The following ERAP2 variants were observed in gnomAD, a reference collection of about 807,000 sequenced individuals.
The protein encoded by ERAP2 is endoplasmic reticulum aminopeptidase 2.
In ERAP2, 118 loss-of-function variants were observed where a neutral mutation model predicts 111.1. That is an observed-to-expected ratio of 1.06 (90% confidence interval 0.92 to 1.24). The LOEUF (loss-of-function observed/expected upper bound fraction) is 1.24. Among genes scored for constraint, ERAP2 ranks in the 50% most tolerant of loss-of-function variants. The pLI, the probability that ERAP2 is intolerant of heterozygous loss-of-function variation, is 0.00. For missense variants in ERAP2, 1,131 were observed against 1,125.8 expected (o/e 1.00, Z -0.07); for synonymous variants, 410 against 401.2 (o/e 1.02, Z -0.26).
At position 96,879,701 on chromosome 5, in the gene ERAP2, G is replaced by A. The variant is rs372831043; in HGVS notation, c.16G>A (p.Ala6Thr). The A allele has an allele frequency of 1.4e-5, 23 of 1,613,542 alleles. No homozygotes were observed. In the African/African-American group the frequency reaches 2.8e-4, roughly 20 times the overall value. Reference sequence around the variant, plus strand: ...AATAGATTTCATGTTCCATTCTTCTGCAATGGTTAATTCACACAGAAAACC... The same window carrying A: ...AATAGATTTCATGTTCCATTCTTCTACAATGGTTAATTCACACAGAAAACC... MFHSSAMVNSHRKPMF... is the reference protein window; with the variant it reads MFHSSTMVNSHRKPMF... The change falls in exon 2 of 19, where the codon GCA becomes ACA. Residue 6 changes from alanine to threonine, a missense_variant. Physicochemically the swap from Ala to Thr is moderately conservative, Grantham distance 58. Around this residue, in one of 3 missense-constraint regions of ERAP2, gnomAD observed 847 missense variants for 856.5 expected, o/e 0.99. Coordinates refer to ENST00000437043, the MANE Select transcript of ERAP2 (RefSeq NM_022350.5).
intron 17 of ERAP2, among the ~76,000 whole-genome samples, chr5:96,914,746 C>T (rs184118934): frequency 1.2e-3 from 185 of 152,142 alleles, no homozygotes; most frequent in African/African-American, 4.2e-3. Flanking sequence ...ATTCTGTGGC[C>T]GTGAATGAGA....
rs529144339 is a variant in ERAP2, at chr5:96,877,422, G to A, written c.-123+895G>A. On this transcript the variant is annotated intron_variant, in intron 1 of 18. Coordinates refer to ENST00000437043, the MANE Select transcript of ERAP2 (RefSeq NM_022350.5). ...CTAGGAGTGTCTGCTACAAGTGGGG[G>A]CGAGCTACTCCTTCATTTTGGCCAT... is the stretch of plus-strand genomic sequence containing the variant. Among the ~76,000 whole-genome samples the A allele has an allele frequency of 1.4e-4, 15 of 108,116 alleles. No homozygotes were observed. In the East Asian group the frequency reaches 4.1e-3, roughly 30 times the overall value. 70.9% of individuals were successfully genotyped at this position (108,116 alleles called of 152,430 possible).
rs199738612 is a variant in ERAP2, at chr5:96,880,994, G to GT, written c.575+743dup. On this transcript the variant is annotated intron_variant, in intron 2 of 18. Transcript: ENST00000437043. Reference sequence around the variant, plus strand: ...GAAGTGAATTTAAATTGAGAGCTGAGTTTTTTTTTAAAGAGACAGTTATGA... The same window carrying GT: ...GAAGTGAATTTAAATTGAGAGCTGAGTTTTTTTTTTAAAGAGACAGTTATGA... The GT allele has an allele frequency of 1.1e-3, 168 of 158,678 alleles. 2 individuals are homozygous for GT. Among genetic ancestry groups the GT allele is most frequent in the Middle Eastern group, 3.3e-3 (1 of 306 alleles). The allele number at this position is 158,678 out of a possible 1,614,324, so 9.8% of individuals were successfully genotyped here.
In ERAP2 at chr5:96,882,962, G is replaced by C. The variant is rs9686476; in HGVS notation, c.576-830G>C. Among the ~76,000 whole-genome samples the C allele has an allele frequency of 9.0e-3, 1,365 of 152,198 alleles. 22 individuals carry two copies. Among genetic ancestry groups the C allele is most frequent in the African/African-American group, 0.031 (1,281 of 41,496 alleles). On this transcript the variant is annotated intron_variant, in intron 2 of 18. Coordinates refer to ENST00000437043, the MANE Select transcript of ERAP2 (RefSeq NM_022350.5). ...TTAATTGAAGCTTAAAGTCCAAAGA[G>C]TAAATCTGTAACTGTACAGTTTCAG...
intron 13 of ERAP2, among the ~76,000 whole-genome samples, chr5:96,906,708 T>A (rs2549790): frequency 1.1e-4 from 17 of 152,094 alleles, no homozygotes; most frequent in African/African-American, 2.7e-4. Flanking sequence ...GAAAAAGCTA[T>A]ATTTGTTTCT....
At chr5:96,896,995 A>G (rs2548535) in intron 9 of ERAP2, 132 bp downstream of exon 9, 168,647 of 481,846 alleles carry the variant, frequency 0.35, 37,180 homozygotes, top group African/African-American at 0.53. Context: ...GTCATGGTCT[A>G]TAGAAGGCAG....
chr5:96,883,522 G>T (rs1194277333), intron 2 of ERAP2, among the ~76,000 whole-genome samples: 1 of 152,184 alleles, frequency 6.6e-6, no homozygotes, highest in African/African-American at 2.4e-5. Flanking sequence ...CATTCAAGTT[G>T]TCTGAGCCTC....
intron 9 of ERAP2, among the ~76,000 whole-genome samples, chr5:96,897,868 ATTGT>A (rs1329472247): frequency 1.3e-5 from 2 of 152,202 alleles, no homozygotes; most frequent in African/African-American, 4.8e-5. Context: ...CAGTAATAAT[ATTGT>A]TTAATATTTC....
chr5:96,892,873 A>T (rs953627705), intron 6 of ERAP2, among the ~76,000 whole-genome samples: 1 of 152,288 alleles, frequency 6.6e-6, no homozygotes, highest in East Asian at 1.9e-4. Flanking sequence ...CTGTGCTTAC[A>T]TGGCCATAAT....
Position 96,903,472 on chromosome 5 carries a change from C to T in ERAP2, c.1924C>T (p.Gln642Ter). 6.2e-7 allele frequency: 1 copy of T among 1,613,984 alleles called. No individual in the cohort carries two copies. The highest frequency in any genetic ancestry group is 1.1e-5 in the South Asian group (1 of 91,074). The change falls in exon 13 of 19, where the codon CAA becomes TAA. Residue 642 changes from glutamine (Q) to a stop codon, truncating the protein, a stop_gained. Coordinates refer to ENST00000437043, the MANE Select transcript of ERAP2 (RefSeq NM_022350.5). LOFTEE classifies it high-confidence loss of function. ...TCACTATGAGGGTCATGGATGGGACCAACTCATTACACAGCTGAATCAGAA... is the reference window on the plus strand; with the variant it reads ...TCACTATGAGGGTCATGGATGGGACTAACTCATTACACAGCTGAATCAGAA... ...IVHYEGHGWD[Q>*]LITQLNQNHT...
intron 14 of ERAP2, 144 bp downstream of exon 14, chr5:96,909,261 C>T: frequency 1.3e-6 from 1 of 753,864 alleles, no homozygotes; most frequent in South Asian, 1.9e-5. Context: ...TGGTCAATGA[C>T]CCTTGTTCTT....
chr5:96,909,840 G>T, intron 15 of ERAP2, 76 bp downstream of exon 15: 1 of 1,435,322 alleles, frequency 7.0e-7, no homozygotes, highest in South Asian at 1.3e-5. Context: ...AAGACATTAG[G>T]TCTAAAACCT....
At chr5:96,905,949 T>TC (rs1352820454) in intron 13 of ERAP2, among the ~76,000 whole-genome samples, 1 of 150,836 alleles carries the variant, frequency 6.6e-6, no homozygotes, top group East Asian at 1.9e-4. Context: ...TTTTAATTTT[T>TC]TTTTTTTTTT....
intron 1 of ERAP2, among the ~76,000 whole-genome samples, chr5:96,878,031 A>G (rs1782732699): frequency 6.6e-6 from 1 of 152,220 alleles, no homozygotes; most frequent in African/African-American, 2.4e-5. Context: ...GCAGTAAGGA[A>G]GTAAGTAGAG....
intron 13 of ERAP2, among the ~76,000 whole-genome samples, chr5:96,908,272 G>C (rs1786325417): frequency 6.6e-6 from 1 of 152,148 alleles, no homozygotes. Flanking sequence ...ACACACCTGA[G>C]GAGCACTTTC....
In ERAP2 at chr5:96,903,508, C is replaced by T; in HGVS notation, c.1960C>T (p.Leu654Phe). The T allele has an allele frequency of 6.2e-7, 1 of 1,613,942 alleles. No individual in the cohort carries two copies. Among genetic ancestry groups the T allele is most frequent in the Non-Finnish European group, 8.5e-7 (1 of 1,179,894 alleles). Residue 654 changes from leucine (L) to phenylalanine (F), a missense_variant, in exon 13 of 19, where the codon CTC (leucine) becomes TTC (phenylalanine). By Grantham distance (22) the Leu-to-Phe change is conservative. Coordinates refer to ENST00000437043, the MANE Select transcript of ERAP2 (RefSeq NM_022350.5). ...ACAGCTGAATCAGAACCACACACTT[C>T]TCAGACCTAAGGACAGAGTAGGTCT... ...ITQLNQNHTL[L>F]RPKDRVGLIH...
intron 1 of ERAP2, among the ~76,000 whole-genome samples, chr5:96,878,931 CATAA>C (rs2151110567): frequency 6.6e-6 from 1 of 152,152 alleles, no homozygotes; most frequent in African/African-American, 2.4e-5. Flanking sequence ...GTCTCAAAAA[CATAA>C]ATAAATGAAT....
intron 13 of ERAP2, among the ~76,000 whole-genome samples, chr5:96,905,104 TACTC>T (rs1012591491): frequency 2.5e-4 from 38 of 152,320 alleles, no homozygotes; most frequent in African/African-American, 8.4e-4. Flanking sequence ...GTGCAGTACT[TACTC>T]AATAAATGTC....
Position 96,886,693 on chromosome 5 carries a change from T to A in ERAP2, c.753T>A (p.Asp251Glu), listed in dbSNP as rs1193522845. 1.3e-6 allele frequency: 2 copies of A among 1,553,854 alleles called. No homozygotes were observed. Among genetic ancestry groups the A allele is most frequent in the African/African-American group, 1.3e-5 (1 of 74,262 alleles). ...AACTTGAAGGAGGTCTTTTGGAAGA[T>A]CACTTTGAAACTACTGTAAAAATGA... ...TIELEGGLLEDHFETTVKMST... is the reference protein window; with the variant it reads ...TIELEGGLLEEHFETTVKMST... The change falls in exon 4 of 19, where the codon GAT becomes GAA. Residue 251 changes from aspartate to glutamate, a missense_variant. This residue lies in a region of ERAP2 where 847 missense variants were observed against 856.5 expected (regional missense o/e 0.99). Coordinates refer to ENST00000437043, the MANE Select transcript of ERAP2 (RefSeq NM_022350.5).
Sources: gnomAD v4.1 joint callset for allele counts (sites outside exome capture counted in the v4.1 genomes callset) on GRCh38, gnomAD v4.1.1 for gene constraint, gnomAD v4.1.1 regional missense constraint, MANE v1.5 for transcripts, NCBI Gene and HGNC (gene_info 2026-07-23, HGNC 2026-07-21) for gene names.